The following ESR2 variants were observed in gnomAD, a reference collection of about 807,000 sequenced individuals.
The protein encoded by ESR2 is estrogen receptor beta.
In ESR2, 36 loss-of-function variants were observed where a neutral mutation model predicts 49.6. The observed-to-expected ratio is 0.73, with a 90% CI of 0.56 to 0.96. ESR2 has a LOEUF of 0.96. Among genes scored for constraint, ESR2 ranks in the 40% least tolerant of loss-of-function variants. The pLI, the probability that ESR2 is intolerant of heterozygous loss-of-function variation, is 0.00. For missense variants in ESR2, 714 were observed against 693.0 expected (o/e 1.03, Z -0.34); for synonymous variants, 320 against 266.1 (o/e 1.20, Z -1.97).
rs1485961567 is a variant in ESR2 at position 64,251,819 on chromosome 14, T to C, written c.1092-2140A>G. Among the ~76,000 whole-genome samples the C allele has an allele frequency of 5.9e-5, 9 of 152,072 alleles. No homozygotes were observed. In the East Asian group the frequency reaches 1.7e-3, roughly 29 times the overall value. ...ACAGTCTGCAGAAACCAAATACATT[T>C]CAACAAAATAAATGAGAAATGAAGA... is the stretch of plus-strand genomic sequence containing the variant. On this transcript the variant is annotated intron_variant, in intron 6 of 8. Transcript: ENST00000341099.
chr14:64,264,550 T>C (rs2076286557), intron 4 of ESR2, among the ~76,000 whole-genome samples: 3 of 152,062 alleles, frequency 2.0e-5, no homozygotes, highest in Admixed American at 2.0e-4. Flanking sequence ...GCCATGGCGG[T>C]TTGCTGCAAA....
Position 64,231,277 on chromosome 14 carries a change from T to C in ESR2, c.*1860A>G, listed in dbSNP as rs924986610. ...TGGCAGATAATGAGTTGCTGAAGGC[T>C]GCCTTCTTTGCCTCTTACTTCCTAC... On this transcript the variant is annotated 3_prime_UTR_variant, in exon 9 of 9. Coordinates refer to ENST00000341099, the MANE Select transcript of ESR2 (RefSeq NM_001437.3). 2.0e-5 allele frequency: 3 copies of C among 152,232 alleles called. No individual in the cohort carries two copies. The highest frequency in any genetic ancestry group is 7.2e-5 in the African/African-American group (3 of 41,460). The allele number at this position is 152,232 out of a possible 1,614,324, so 9.4% of individuals were successfully genotyped here.
intron 1 of ESR2, among the ~76,000 whole-genome samples, chr14:64,286,224 G>C (rs890194086): frequency 6.6e-6 from 1 of 152,104 alleles, no homozygotes; most frequent in African/African-American, 2.4e-5. Context: ...AGCTGGAGAA[G>C]GATATAGGAT....
intron 7 of ESR2, among the ~76,000 whole-genome samples, chr14:64,248,467 C>T (rs535319359): frequency 3.7e-4 from 51 of 139,408 alleles, no homozygotes; most frequent in Middle Eastern, 8.1e-3. Flanking sequence ...GATCATGCCA[C>T]TGCCCTCCAG....
upstream of ESR2, chr14:64,338,497 C>G (rs1003504177): frequency 6.5e-6 from 1 of 154,614 alleles, no homozygotes; most frequent in African/African-American, 2.4e-5. Context: ...GCGCCCGCCA[C>G]GCTCCCGCGC....
At chr14:64,337,714 G>A (rs36108515) in intron 1 of ESR2, among the ~76,000 whole-genome samples, 12 of 152,156 alleles carry the variant, frequency 7.9e-5, no homozygotes, top group African/African-American at 2.9e-4. Flanking sequence ...AATTCCATAT[G>A]TGGGACTACT....
intron 3 of ESR2, among the ~76,000 whole-genome samples, chr14:64,274,864 G>T (rs532750964): frequency 6.6e-6 from 1 of 152,078 alleles, no homozygotes; most frequent in Non-Finnish European, 1.5e-5. Context: ...TTGACACACT[G>T]GTTGTTCAGG....
chr14:64,264,935 G>A (rs2076299178), intron 4 of ESR2, among the ~76,000 whole-genome samples: 1 of 149,146 alleles, frequency 6.7e-6, no homozygotes, highest in South Asian at 2.1e-4. Context: ...CTCTTTTGTA[G>A]AGTATAGAGT....
chr14:64,312,948 AAGAC>A (rs2077202031), intron 1 of ESR2, among the ~76,000 whole-genome samples: 1 of 152,252 alleles, frequency 6.6e-6, no homozygotes, highest in Middle Eastern at 3.4e-3. Context: ...CCCCAGTTAA[AAGAC>A]AGAGTTAGCA....
chr14:64,284,502 A>G (rs1267793455), intron 1 of ESR2, among the ~76,000 whole-genome samples: 1 of 151,394 alleles, frequency 6.6e-6, no homozygotes, highest in Non-Finnish European at 1.5e-5. Flanking sequence ...TTGTATTTTT[A>G]GTAGAGACAG....
chr14:64,283,436 T>G (rs978038227), intron 1 of ESR2, among the ~76,000 whole-genome samples: 2 of 152,160 alleles, frequency 1.3e-5, no homozygotes, highest in Non-Finnish European at 2.9e-5. Flanking sequence ...AGAAGATCAA[T>G]GAGCAAGGCT....
chr14:64,270,994 C>T (rs2076434761), intron 3 of ESR2, among the ~76,000 whole-genome samples: 1 of 152,212 alleles, frequency 6.6e-6, no homozygotes, highest in Admixed American at 6.5e-5. Flanking sequence ...TTCAAGCTTT[C>T]TAAGGCTCCT....
chr14:64,260,715 A>T lies in ESR2; in HGVS notation c.686T>A (p.Val229Glu), dbSNP rs199669101. 18 of 1,533,188 alleles carry T rather than the reference A, an allele frequency of 1.2e-5. No individual in the cohort carries two copies. In the East Asian group the frequency reaches 4.3e-4, roughly 36 times the overall value. 95.0% of individuals were successfully genotyped at this position (1,533,188 alleles called of 1,614,324 possible). A position where few individuals can be genotyped will look rare whatever the true frequency, so the allele number is the denominator to read the frequency against. ...CTCGTCGGCACTTCTCTGTCTCCGC[A>T]CAAGGCGGTACCCACATCTCTCTCT... ...SRRERCGYRLVRRQRSADEQL... is the reference protein window; with the variant it reads ...SRRERCGYRLERRQRSADEQL... Residue 229 changes from valine to glutamate, a missense_variant, in exon 5 of 9, where the codon GTG (valine) becomes GAG (glutamate). Physicochemically the swap from Val to Glu is moderately radical, Grantham distance 121. Transcript: ENST00000341099.
intron 4 of ESR2, among the ~76,000 whole-genome samples, chr14:64,264,665 G>A (rs1410754100): frequency 2.0e-5 from 3 of 152,034 alleles, no homozygotes; most frequent in Non-Finnish European, 4.4e-5. Context: ...GAGCCCAGGA[G>A]TTGAAGACTA....
intron 1 of ESR2, among the ~76,000 whole-genome samples, chr14:64,315,105 A>G (rs565041462): frequency 7.0e-6 from 1 of 143,038 alleles, no homozygotes; most frequent in African/African-American, 2.6e-5. Context: ...TTAGCTGGGC[A>G]TGGTGGTGTG....
intron 3 of ESR2, among the ~76,000 whole-genome samples, chr14:64,275,158 G>C (rs1596442273): frequency 6.6e-6 from 1 of 152,186 alleles, no homozygotes; most frequent in African/African-American, 2.4e-5. Flanking sequence ...TGTTGATTTT[G>C]TGTCTGGATG....
At chr14:64,227,492 T>C, downstream of ESR2, 1 of 1,605,324 alleles carries the variant, frequency 6.2e-7, no homozygotes, top group Non-Finnish European at 8.5e-7. Context: ...GTGAAAATGT[T>C]ACCCAAGATT....
At chr14:64,266,734 A>G (rs1165828333) in intron 4 of ESR2, among the ~76,000 whole-genome samples, 1 of 152,250 alleles carries the variant, frequency 6.6e-6, no homozygotes, top group Non-Finnish European at 1.5e-5. Flanking sequence ...TCTTTAAAAC[A>G]AAAACAGAGC....
At chr14:64,305,290 C>CA (rs567349725) in intron 1 of ESR2, among the ~76,000 whole-genome samples, 23,940 of 100,196 alleles carry the variant, frequency 0.24, 2,987 homozygotes, top group African/African-American at 0.38. Flanking sequence ...GACTCCGTCT[C>CA]AAAAAAAAAA....
Sources: gnomAD v4.1 joint callset for allele counts (sites outside exome capture counted in the v4.1 genomes callset) on GRCh38, gnomAD v4.1.1 for gene constraint, MANE v1.5 for transcripts, NCBI Gene and HGNC (gene_info 2026-07-23, HGNC 2026-07-21) for gene names.